The following FBXL16 variants were observed in gnomAD, a reference collection of about 807,000 sequenced individuals.
FBXL16 encodes F-box/LRR-repeat protein 16.
A neutral mutation model predicts 36.7 loss-of-function variants in FBXL16; 7 were observed. The observed-to-expected ratio is 0.19, with a 90% CI of 0.11 to 0.36. The LOEUF (loss-of-function observed/expected upper bound fraction) is 0.36, where lower values mean the gene tolerates loss of function less well. FBXL16 is among the 10% of genes least tolerant of loss of function. FBXL16 has a pLI of 1.00. For synonymous variants in FBXL16, 355 were observed against 308.7 expected (o/e 1.15, Z -1.57); for missense variants, 463 against 659.4 (o/e 0.70, Z 3.26).
chr16:694,382 G>A lies in FBXL16; in HGVS notation c.1333C>T (p.Gln445Ter). The change falls in exon 6 of 6, where the codon CAG (glutamine) becomes TAG (stop). Residue 445 changes from glutamine to a stop codon, truncating the protein, a stop_gained. Transcript: ENST00000397621. LOFTEE classifies it high-confidence loss of function. ...TCCAGCTCCTCCAGCTCCTGCAGCTGCACCAGGCCCGACAGCCCGGTGGTG... is the reference window on the plus strand; with the variant it reads ...TCCAGCTCCTCCAGCTCCTGCAGCTACACCAGGCCCGACAGCCCGGTGGTG... ...LTTTGLSGLV[Q>*]LQELEELELT... is the part of the protein sequence containing the mutation. The A allele has an allele frequency of 1.3e-6, 2 of 1,543,140 alleles. No homozygotes were observed. The highest frequency in any genetic ancestry group is 1.7e-6 in the Non-Finnish European group (2 of 1,154,082).
chr16:695,185 C>T, intron 3 of FBXL16, 109 bp from the exon 4 acceptor site: 1 of 1,262,616 alleles, frequency 7.9e-7, no homozygotes, highest in Non-Finnish European at 1.1e-6. Flanking sequence ...CCACCCGGAG[C>T]AGCCGCTGGC....
In FBXL16 at chr16:695,485, G is replaced by A; in HGVS notation, c.1072C>T (p.Arg358Cys). ...LRSLDLSWCP[R>C]ITDMALEYVA... ...TACTCCAGCGCCATGTCGGTGATGC[G>A]TGGGCACCACGAGAGGTCAAGGCTG... Residue 358 changes from arginine (R) to cysteine (C), a missense_variant, in exon 3 of 6, where the codon CGC (arginine) becomes TGC (cysteine). Around this residue, in one of 3 missense-constraint regions of FBXL16, gnomAD observed 134 missense variants for 172.0 expected, o/e 0.78. Coordinates refer to ENST00000397621, the MANE Select transcript of FBXL16 (RefSeq NM_153350.4). The A allele has an allele frequency of 1.9e-6, 3 of 1,587,456 alleles. No individual in the cohort carries two copies. Among genetic ancestry groups the A allele is most frequent in the Non-Finnish European group, 2.6e-6 (3 of 1,173,674 alleles).
Position 697,352 on chromosome 16 carries a change from G to A in FBXL16, c.54C>T (p.Asn18=), listed in dbSNP as rs779231978. The change falls in exon 2 of 6, where the codon AAC becomes AAT. Residue 18 remains asparagine, a synonymous_variant. Transcript: ENST00000397621. This position sits in a 1 kb window ranked among gnomAD's most constrained non-coding sequence, Gnocchi z 4.6. Reference sequence around the variant, plus strand: ...GCTGGCCCGGCAGCTTCACCAGACCGTTTCGAGGCAAGCATGGAGGCTTGG... The same window carrying A: ...GCTGGCCCGGCAGCTTCACCAGACCATTTCGAGGCAAGCATGGAGGCTTGG... ...GDPKPPCLPR[N]GLVKLPGQPN... 1.4e-5 allele frequency: 22 copies of A among 1,536,594 alleles called. No homozygotes were observed. The East Asian group carries it at 2.4e-4, about 17-fold the overall frequency.
chr16:699,933 G>A (rs2040043494), intron 1 of FBXL16, among the ~76,000 whole-genome samples: 1 of 152,216 alleles, frequency 6.6e-6, no homozygotes, highest in African/African-American at 2.4e-5. Flanking sequence ...TGTCCCTTCT[G>A]GGGCTACAGG....
Position 696,902 on chromosome 16 carries a change from G to C in FBXL16, c.504C>G (p.Phe168Leu). The C allele has an allele frequency of 6.2e-7, 1 of 1,610,368 alleles. No homozygotes were observed. Among genetic ancestry groups the C allele is most frequent in the Non-Finnish European group, 8.5e-7 (1 of 1,179,132 alleles). The change falls in exon 2 of 6, where the codon TTC becomes TTG. Residue 168 changes from phenylalanine (F) to leucine (L), a missense_variant. This residue lies in a region of FBXL16 where 263 missense variants were observed against 341.1 expected (regional missense o/e 0.77). Coordinates refer to ENST00000397621, the MANE Select transcript of FBXL16 (RefSeq NM_153350.4). ...VNLQGFAARG[F>L]EGFCLVGVSD... is the part of the protein sequence containing the mutation. ...AGACGCCAACCAGGCAGAAGCCCTC[G>C]AAGCCTCTGGCGGCAAAACCCTGCA...
At chr16:700,881 A>C (rs2040051439) in intron 1 of FBXL16, among the ~76,000 whole-genome samples, 1 of 152,124 alleles carries the variant, frequency 6.6e-6, no homozygotes, top group African/African-American at 2.4e-5. Context: ...GCAGCCCCGC[A>C]ATCCCAAATC....
intron 3 of FBXL16, 55 bp downstream of exon 3, chr16:695,360 C>G: frequency 8.2e-7 from 1 of 1,224,038 alleles, no homozygotes; most frequent in East Asian, 4.2e-5. Context: ...CCCCGCCCCG[C>G]CCCGTGCAGC....
chr16:694,160 G>T lies in FBXL16; in HGVS notation c.*115C>A, dbSNP rs923936785. ...TCGGCTCGCCCCGCCTCCCGCGCTG[G>T]GCCGGGGGCGCGGGGGCTCCCCCGA... On this transcript the variant is annotated 3_prime_UTR_variant, in exon 6 of 6. Transcript: ENST00000397621. The T allele has an allele frequency of 1.7e-5, 12 of 706,724 alleles. No homozygotes were observed. The African/African-American group carries it at 1.9e-4, about 11-fold the overall frequency. The allele number at this position is 706,724 out of a possible 1,614,324, so 43.8% of individuals were successfully genotyped here. A position where few individuals can be genotyped will look rare whatever the true frequency, so the allele number is the denominator to read the frequency against.
At chr16:694,739 C>T (rs1356898633) in intron 4 of FBXL16, 42 bp from the exon 5 acceptor site, 4 of 1,565,042 alleles carry the variant, frequency 2.6e-6, no homozygotes, top group Non-Finnish European at 3.5e-6. Flanking sequence ...TCCGCTCGCA[C>T]CGAGGCGGAG....
Position 697,478 on chromosome 16 carries a change from TGGG to T in FBXL16, c.-14-62_-14-60del. ...GTTGCTGAGTCTGGAAGGCCGGGGT[TGGG>T]GGCGGGTGCAGTGGGGCTCCTTCCC... On this transcript the variant is annotated intron_variant, in intron 1 of 5. Coordinates refer to ENST00000397621, the MANE Select transcript of FBXL16 (RefSeq NM_153350.4). The surrounding 1 kb of genome is among the most constrained non-coding windows in gnomAD (Gnocchi z 4.6). 1 of 1,456,028 alleles carries T rather than the reference TGGG, an allele frequency of 6.9e-7. No homozygotes were observed. 90.2% of individuals were successfully genotyped at this position (1,456,028 alleles called of 1,614,324 possible).
In FBXL16 at chr16:695,753, G is replaced by A; in HGVS notation, c.804C>T (p.Pro268=). 2 of 1,604,154 alleles carry A rather than the reference G, an allele frequency of 1.2e-6. No individual in the cohort carries two copies. Among genetic ancestry groups the A allele is most frequent in the Non-Finnish European group, 1.7e-6 (2 of 1,178,168 alleles). ...DAIAAISQLL[P]NLAELSLQAY... is the part of the protein sequence containing the mutation. The stretch of plus-strand genomic sequence containing the variant: ...CCTGCAGGCTCAGCTCCGCCAGGTT[G>A]GGCAGCAGCTGCGAGATGGCCGCGA... Residue 268 remains proline (P), a synonymous_variant, in exon 3 of 6, where the codon CCC becomes CCT. Transcript: ENST00000397621.
chr16:697,519 C>T lies in FBXL16; in HGVS notation c.-14-100G>A. On this transcript the variant is annotated intron_variant, in intron 1 of 5. Transcript: ENST00000397621. This position sits in a 1 kb window ranked among gnomAD's most constrained non-coding sequence, Gnocchi z 4.6. ...GGGGCTCCTTCCCTCCTTGGGCGTCCCTATGGTGCTCCCAGAACCACCAGA... is the reference window on the plus strand; with the variant it reads ...GGGGCTCCTTCCCTCCTTGGGCGTCTCTATGGTGCTCCCAGAACCACCAGA... The T allele has an allele frequency of 1.5e-6, 2 of 1,375,870 alleles. No homozygotes were observed. Among genetic ancestry groups the T allele is most frequent in the Non-Finnish European group, 1.9e-6 (2 of 1,044,400 alleles). 85.2% of individuals were successfully genotyped at this position (1,375,870 alleles called of 1,614,324 possible). A position where few individuals can be genotyped will look rare whatever the true frequency, so the allele number is the denominator to read the frequency against.
At position 697,158 on chromosome 16, in the gene FBXL16, G is replaced by C; in HGVS notation, c.248C>G (p.Ala83Gly). ...CTCCGCTGGGTGCCCAGGTGCCAAGGCTGAGGCTGGTCCACCTGCCGGGGT... is the reference window on the plus strand; with the variant it reads ...CTCCGCTGGGTGCCCAGGTGCCAAGCCTGAGGCTGGTCCACCTGCCGGGGT... Reference protein sequence around the residue: ...PCTPAGGPASALAPGHPAERP... With the variant: ...PCTPAGGPASGLAPGHPAERP... Residue 83 changes from alanine (A) to glycine (G), a missense_variant, in exon 2 of 6, where the codon GCC becomes GGC. By Grantham distance (60) the Ala-to-Gly change is moderately conservative (BLOSUM62 0). Coordinates refer to ENST00000397621, the MANE Select transcript of FBXL16 (RefSeq NM_153350.4). The surrounding 1 kb of genome is among the most constrained non-coding windows in gnomAD (Gnocchi z 4.6). 1 of 1,586,828 alleles carries C rather than the reference G, an allele frequency of 6.3e-7. No individual in the cohort carries two copies. The highest frequency in any genetic ancestry group is 8.6e-7 in the Non-Finnish European group (1 of 1,168,570).
At chr16:701,544 C>T (rs1391740795) in intron 1 of FBXL16, among the ~76,000 whole-genome samples, 2 of 152,332 alleles carry the variant, frequency 1.3e-5, no homozygotes, top group East Asian at 3.9e-4. Flanking sequence ...GTCTCTCTGC[C>T]CGTTCAGCGA....
At position 694,435 on chromosome 16, in the gene FBXL16, T is replaced by C; in HGVS notation, c.1292-12A>G. 6.5e-7 allele frequency: 1 copy of C among 1,534,370 alleles called. No homozygotes were observed. Among genetic ancestry groups the C allele is most frequent in the East Asian group, 2.5e-5 (1 of 39,652 alleles). Reference sequence around the variant, plus strand: ...GAGCAGCGGGCAGCCTGCGGCGGGGTCAGAGGGCGGCTCAGTGCGCGCGGC... The same window carrying C: ...GAGCAGCGGGCAGCCTGCGGCGGGGCCAGAGGGCGGCTCAGTGCGCGCGGC... On this transcript the variant is annotated splice_polypyrimidine_tract_variant and intron_variant, in intron 5 of 5. Coordinates refer to ENST00000397621, the MANE Select transcript of FBXL16 (RefSeq NM_153350.4).
chr16:698,492 G>A lies in FBXL16; in HGVS notation c.-14-1073C>T, dbSNP rs550040413. The stretch of plus-strand genomic sequence containing the variant: ...GGCCCACCCCTCTGGGCAGGCCAGG[G>A]GAACTGAAGGGAAGGGTCTGGGGTG... On this transcript the variant is annotated intron_variant, in intron 1 of 5. Coordinates refer to ENST00000397621, the MANE Select transcript of FBXL16 (RefSeq NM_153350.4). 3.3e-5 allele frequency among the ~76,000 whole-genome samples: 5 copies of A among 152,314 alleles called. No individual in the cohort carries two copies. The South Asian group carries it at 1.0e-3, about 32-fold the overall frequency.
Position 697,676 on chromosome 16 carries a change from C to A in FBXL16, c.-14-257G>T, listed in dbSNP as rs953477488. The stretch of plus-strand genomic sequence containing the variant: ...GCCCAACCTTCATTGCCCATGGACA[C>A]CCTCTTTTTCTTTTGTTTTTTTTCT... On this transcript the variant is annotated intron_variant, in intron 1 of 5. Coordinates refer to ENST00000397621, the MANE Select transcript of FBXL16 (RefSeq NM_153350.4). The surrounding 1 kb of genome is among the most constrained non-coding windows in gnomAD (Gnocchi z 4.6). Among the ~76,000 whole-genome samples the A allele has an allele frequency of 6.6e-6, 1 of 152,266 alleles. No homozygotes were observed. The highest frequency in any genetic ancestry group is 1.9e-4 in the East Asian group (1 of 5,166).
chr16:699,056 C>T (rs1363921782), intron 1 of FBXL16, among the ~76,000 whole-genome samples: 4 of 152,184 alleles, frequency 2.6e-5, no homozygotes, highest in Non-Finnish European at 4.4e-5. Flanking sequence ...CACAAGCTGT[C>T]GCTTTAATCT....
chr16:692,957 G>T lies in FBXL16; in HGVS notation c.*1318C>A, dbSNP rs1034887962. On this transcript the variant is annotated 3_prime_UTR_variant, in exon 6 of 6. Transcript: ENST00000397621. ...TCACTCTCTGGCTCTCTGGAAACTGGTTACTCTCTTCCAACCAGATAGGGA... is the reference window on the plus strand; with the variant it reads ...TCACTCTCTGGCTCTCTGGAAACTGTTTACTCTCTTCCAACCAGATAGGGA... The T allele has an allele frequency of 3.3e-5, 5 of 152,146 alleles. No homozygotes were observed. The highest frequency in any genetic ancestry group is 5.9e-5 in the Non-Finnish European group (4 of 68,028). 9.4% of individuals were successfully genotyped at this position (152,146 alleles called of 1,614,324 possible). A position where few individuals can be genotyped will look rare whatever the true frequency, so the allele number is the denominator to read the frequency against.
Sources: allele counts gnomAD v4.1 joint callset (sites outside exome capture counted in the v4.1 genomes callset), GRCh38; gene constraint gnomAD v4.1.1; regional missense constraint gnomAD v4.1.1; non-coding constraint Gnocchi (gnomAD v3.1); transcripts MANE v1.5; gene names NCBI Gene and HGNC (gene_info 2026-07-23, HGNC 2026-07-21).